The following BTAF1 variants were observed in gnomAD, a reference collection of about 807,000 sequenced individuals.
The protein encoded by BTAF1 is B-TFIID TATA-box binding protein associated factor 1, also known as TATA-binding protein-associated factor 172.
A neutral mutation model predicts 227.1 loss-of-function variants in BTAF1; 38 were observed. The observed-to-expected ratio is 0.17, with a 90% CI of 0.13 to 0.22. The LOEUF (loss-of-function observed/expected upper bound fraction) is 0.22. BTAF1 is among the 10% of genes least tolerant of loss of function. The probability of loss-of-function intolerance (pLI) is 1.00; values close to 1 mark genes in which losing one functional copy is unlikely to be tolerated. For synonymous variants in BTAF1, 742 were observed against 751.9 expected (o/e 0.99, Z 0.21); for missense variants, 1,598 against 2,204.0 (o/e 0.73, Z 5.51).
chr10:92,026,010 C>T (rs1420518272), intron 35 of BTAF1, among the ~76,000 whole-genome samples: 2 of 152,092 alleles, frequency 1.3e-5, no homozygotes, highest in African/African-American at 4.8e-5. Flanking sequence ...TAATAATACC[C>T]TTATAGAGCT....
intron 19 of BTAF1, among the ~76,000 whole-genome samples, chr10:91,984,648 G>C (rs1237756534): frequency 3.3e-5 from 5 of 151,992 alleles, no homozygotes; most frequent in Non-Finnish European, 7.4e-5. Flanking sequence ...ATTAGAAAAA[G>C]CTATTATATT....
intron 3 of BTAF1, 45 bp downstream of exon 3, chr10:91,940,111 T>C (rs1302920482): frequency 1.6e-6 from 2 of 1,223,988 alleles, no homozygotes; most frequent in Non-Finnish European, 2.4e-6. Context: ...AACCTAACTG[T>C]AGAATTAATT....
chr10:92,010,458 A>C (rs552979182), intron 28 of BTAF1, among the ~76,000 whole-genome samples: 1 of 152,214 alleles, frequency 6.6e-6, no homozygotes, highest in African/African-American at 2.4e-5. Flanking sequence ...CTTCAGGCCC[A>C]TCTAGATTAC....
At chr10:91,951,170 T>C (rs1845743090) in intron 4 of BTAF1, among the ~76,000 whole-genome samples, 1 of 152,010 alleles carries the variant, frequency 6.6e-6, no homozygotes, top group African/African-American at 2.4e-5. Context: ...TAATTAACAG[T>C]TGGGGAATGC....
At chr10:91,957,869 CACAGTGTCA>C (rs927790546) in intron 8 of BTAF1, among the ~76,000 whole-genome samples, 4 of 152,138 alleles carry the variant, frequency 2.6e-5, no homozygotes, top group African/African-American at 9.7e-5. Context: ...AAGAAGTGGG[CACAGTGTCA>C]ATAGCTTGTT....
intron 4 of BTAF1, among the ~76,000 whole-genome samples, chr10:91,950,960 A>C (rs929300500): frequency 2.2e-4 from 33 of 151,322 alleles, no homozygotes; most frequent in African/African-American, 8.0e-4. Flanking sequence ...CCCCTGGAGT[A>C]GCTGGGACTA....
chr10:91,961,026 A>G (rs575603848), intron 11 of BTAF1, among the ~76,000 whole-genome samples: 16 of 152,190 alleles, frequency 1.1e-4, no homozygotes, highest in Admixed American at 2.0e-4. Context: ...TCTGATTTCC[A>G]ATATGAGATG....
At chr10:91,963,761 A>G (rs1846693379) in intron 12 of BTAF1, among the ~76,000 whole-genome samples, 1 of 152,212 alleles carries the variant, frequency 6.6e-6, no homozygotes, top group South Asian at 2.1e-4. Context: ...TTGTGTCTCG[A>G]TGCTCTGTTG....
chr10:91,974,479 G>A (rs1271042539), intron 14 of BTAF1, among the ~76,000 whole-genome samples: 1 of 152,104 alleles, frequency 6.6e-6, no homozygotes, highest in Non-Finnish European at 1.5e-5. Context: ...TGTTTAATCA[G>A]TGTGCCTTCT....
intron 32 of BTAF1, among the ~76,000 whole-genome samples, chr10:92,015,729 CTTTGT>C (rs1850673860): frequency 6.6e-6 from 1 of 152,112 alleles, no homozygotes; most frequent in African/African-American, 2.4e-5. Context: ...GGCATTTTGG[CTTTGT>C]TTAGCATTCA....
At position 91,996,392 on chromosome 10, in the gene BTAF1, T is replaced by C. The variant is rs771207781; in HGVS notation, c.3333T>C (p.Leu1111=). ...HPLLVQHLPH[L]YMCLQYPSTA... ...AGTTGGTCCAGCATTTGCCACATCT[T>C]TATATGTGCCTTCAATACCCCAGTA... Residue 1111 remains leucine, a synonymous_variant, in exon 24 of 38, where the codon CTT becomes CTC. Transcript: ENST00000265990. The C allele has an allele frequency of 1.9e-6, 3 of 1,614,146 alleles. No homozygotes were observed. Among genetic ancestry groups the C allele is most frequent in the East Asian group, 2.2e-5 (1 of 44,884 alleles).
intron 3 of BTAF1, 119 bp from the exon 4 acceptor site, chr10:91,942,295 AGTTTGTGT>A: frequency 5.4e-6 from 3 of 553,824 alleles, no homozygotes; most frequent in East Asian, 3.8e-5. Context: ...TAAAAAAAAA[AGTTTGTGT>A]GTGTGTGTGT....
intron 1 of BTAF1, among the ~76,000 whole-genome samples, chr10:91,925,742 C>T (rs1016270706): frequency 6.6e-6 from 1 of 152,138 alleles, no homozygotes; most frequent in African/African-American, 2.4e-5. Flanking sequence ...GATCTCCTTA[C>T]CTCGTGATCC....
At chr10:91,937,078 T>C (rs1006346565) in intron 2 of BTAF1, among the ~76,000 whole-genome samples, 8 of 150,980 alleles carry the variant, frequency 5.3e-5, no homozygotes, top group African/African-American at 1.9e-4. Flanking sequence ...TACTGCAACC[T>C]CTGCCTCCTG....
chr10:92,014,099 A>G (rs1850542846), intron 32 of BTAF1, 70 bp downstream of exon 32: 1 of 1,481,540 alleles, frequency 6.7e-7, no homozygotes, highest in African/African-American at 1.4e-5. Flanking sequence ...GAGCCACAAA[A>G]CTATTGAATA....
intron 32 of BTAF1, among the ~76,000 whole-genome samples, chr10:92,014,760 G>A (rs889402564): frequency 3.3e-5 from 5 of 152,074 alleles, no homozygotes; most frequent in Non-Finnish European, 7.4e-5. Flanking sequence ...AGTGCTAATG[G>A]CTTGGGTGAT....
At chr10:91,994,894 C>T (rs1295320629) in intron 23 of BTAF1, among the ~76,000 whole-genome samples, 2 of 152,178 alleles carry the variant, frequency 1.3e-5, no homozygotes, top group Non-Finnish European at 2.9e-5. Flanking sequence ...GGAAAGGACT[C>T]TGATGACACA....
intron 34 of BTAF1, among the ~76,000 whole-genome samples, chr10:92,020,247 G>A (rs1388754190): frequency 6.6e-6 from 1 of 151,796 alleles, no homozygotes; most frequent in East Asian, 1.9e-4. Flanking sequence ...AATTCATGTC[G>A]ATGTGGATTT....
chr10:91,940,173 A>T (rs1589758520), intron 3 of BTAF1, 107 bp downstream of exon 3: 3 of 641,700 alleles, frequency 4.7e-6, no homozygotes, highest in Non-Finnish European at 7.6e-6. Context: ...CTTAATTTCC[A>T]TGCTTTTAGG....
Sources: gnomAD v4.1 joint callset for allele counts (sites outside exome capture counted in the v4.1 genomes callset) on GRCh38, gnomAD v4.1.1 for gene constraint, MANE v1.5 for transcripts, NCBI Gene and HGNC (gene_info 2026-07-23, HGNC 2026-07-21) for gene names.